Variants in ACCSL observed in about 807,000 individuals in gnomAD.
ACCSL encodes the protein 1-aminocyclopropane-1-carboxylate synthase homolog (inactive) like.
ACCSL carries 55 observed loss-of-function variants against 61.7 expected under a neutral mutation model. That is an observed-to-expected ratio of 0.89 (90% CI 0.72 to 1.12). ACCSL has a LOEUF of 1.12. Among genes scored for constraint, ACCSL ranks in the 50% most tolerant of loss-of-function variants. ACCSL has a pLI of 0.00. For synonymous variants in ACCSL, 258 were observed against 264.3 expected, an observed-to-expected ratio of 0.98 and a Z score of 0.23; for missense variants, 632 against 698.0, an observed-to-expected ratio of 0.91 and a Z score of 1.07.
the ACCSL span, among the ~76,000 whole-genome samples, chr11:44,019,183 CGAT>C: frequency 6.6e-6 from 1 of 152,158 alleles, no homozygotes; most frequent in African/African-American, 2.4e-5. Flanking sequence ...ATCCATCAGT[CGAT>C]GGACTAAGTT....
At chr11:43,933,881 C>A in the ACCSL span, among the ~76,000 whole-genome samples, 1 of 152,150 alleles carries the variant, frequency 6.6e-6, no homozygotes, top group Admixed American at 6.5e-5. Flanking sequence ...TGCCAGGGTG[C>A]CTCCTCCGGT....
chr11:44,052,617 A>G (rs772787198), intron 5 of ACCSL, 45 bp from the exon 6 acceptor site: 1 of 1,561,040 alleles, frequency 6.4e-7, no homozygotes, highest in South Asian at 1.1e-5. Context: ...ACAGGCTCTG[A>G]TTGGGAGACT....
chr11:44,034,905 T>C, the ACCSL span, among the ~76,000 whole-genome samples: 2 of 152,250 alleles, frequency 1.3e-5, no homozygotes, highest in Non-Finnish European at 2.9e-5. Flanking sequence ...ACAGTAGCTC[T>C]AGAGCACCTG....
At chr11:44,048,976 T>A (rs1216908818) in intron 1 of ACCSL, among the ~76,000 whole-genome samples, 1 of 152,140 alleles carries the variant, frequency 6.6e-6, no homozygotes, top group African/African-American at 2.4e-5. Flanking sequence ...GCCATGGCCA[T>A]GACCCTCCAG....
chr11:43,955,799 TCTACACCTTAG>T, the ACCSL span, among the ~76,000 whole-genome samples: 1 of 152,002 alleles, frequency 6.6e-6, no homozygotes, highest in Non-Finnish European at 1.5e-5. Flanking sequence ...ATTTTTTATG[TCTACACCTTAG>T]CACAATTCAA....
chr11:43,923,433 T>A, the ACCSL span, among the ~76,000 whole-genome samples: 3 of 152,202 alleles, frequency 2.0e-5, no homozygotes, highest in Non-Finnish European at 4.4e-5. Flanking sequence ...TCTGTTTATT[T>A]AAAACTTTAC....
intron 9 of ACCSL, 54 bp downstream of exon 9, chr11:44,055,345 C>G: frequency 6.9e-7 from 1 of 1,451,170 alleles, no homozygotes; most frequent in South Asian, 1.2e-5. Context: ...TCTTGTTTTG[C>G]AGGGTGAGTT....
At chr11:43,943,365 G>A in the ACCSL span, 5 of 1,383,346 alleles carry the variant, frequency 3.6e-6, no homozygotes, top group Non-Finnish European at 4.7e-6. The surrounding 1 kb of genome is among the most constrained non-coding windows in gnomAD (Gnocchi z 4.8). Flanking sequence ...TGCTCCCGGG[G>A]GACCCGCAAG....
chr11:44,027,100 T>TGGTCTTC, the ACCSL span, among the ~76,000 whole-genome samples: 1 of 152,104 alleles, frequency 6.6e-6, no homozygotes, highest in Non-Finnish European at 1.5e-5. Context: ...TACTGGTCTT[T>TGGTCTTC]TAATGATTGG....
the ACCSL span, among the ~76,000 whole-genome samples, chr11:44,030,645 G>GT: frequency 3.3e-5 from 5 of 151,614 alleles, no homozygotes; most frequent in Non-Finnish European, 5.9e-5. Flanking sequence ...TTGATGTATT[G>GT]TTTTTTTTAT....
chr11:43,973,450 CTATCTATCTA>C, the ACCSL span, among the ~76,000 whole-genome samples: 1 of 147,498 alleles, frequency 6.8e-6, no homozygotes, highest in South Asian at 2.1e-4. Context: ...ATCTATCTAT[CTATCTATCTA>C]TCTCCTGGAA....
the ACCSL span, among the ~76,000 whole-genome samples, chr11:44,010,540 A>G: frequency 6.6e-6 from 1 of 152,154 alleles, no homozygotes; most frequent in Admixed American, 6.5e-5. Context: ...GCCCAAGTGG[A>G]TAACATGGAA....
the ACCSL span, among the ~76,000 whole-genome samples, chr11:43,927,384 G>T: frequency 6.6e-6 from 1 of 152,224 alleles, no homozygotes. Context: ...ACTTCATTCA[G>T]ACTTCAATTC....
At chr11:44,009,756 C>A in the ACCSL span, among the ~76,000 whole-genome samples, 1 of 151,988 alleles carries the variant, frequency 6.6e-6, no homozygotes, top group Non-Finnish European at 1.5e-5. Flanking sequence ...CAGGGCAGGA[C>A]CCTGTCTCAA....
rs1300632985 is a variant in ACCSL, at chr11:44,051,664, A to C, written c.717A>C (p.Leu239=). ...TGTGTTGTCTTCAGGTGGTGGTTCTAAATGGCTGCTGCTCTGTCTTCTGTG... is the reference window on the plus strand; with the variant it reads ...TGTGTTGTCTTCAGGTGGTGGTTCTCAATGGCTGCTGCTCTGTCTTCTGTG... ...TRLDPENVVV[L]NGCCSVFCAL... Residue 239 remains leucine, a synonymous_variant, in exon 5 of 14, where the codon CTA becomes CTC. Transcript: ENST00000378832. 3.7e-6 allele frequency: 6 copies of C among 1,614,164 alleles called. No individual in the cohort carries two copies. Among genetic ancestry groups the C allele is most frequent in the Middle Eastern group, 1.7e-4 (1 of 6,040 alleles).
the ACCSL span, among the ~76,000 whole-genome samples, chr11:44,038,345 G>A: frequency 6.6e-6 from 1 of 152,272 alleles, no homozygotes; most frequent in East Asian, 1.9e-4. Flanking sequence ...TACCTGTTGT[G>A]TTTTATACAG....
At chr11:44,024,615 T>TATCCTGGAG in the ACCSL span, among the ~76,000 whole-genome samples, 1 of 152,188 alleles carries the variant, frequency 6.6e-6, no homozygotes. Flanking sequence ...GCATATGGTC[T>TATCCTGGAG]ATCCTGGAGA....
upstream of ACCSL, among the ~76,000 whole-genome samples, chr11:44,045,381 A>C (rs1479325663): frequency 6.6e-6 from 1 of 152,128 alleles, no homozygotes; most frequent in Non-Finnish European, 1.5e-5. Context: ...CAGAGGTTGC[A>C]GTGAGCCATG....
upstream of ACCSL, among the ~76,000 whole-genome samples, chr11:44,045,451 AC>A (rs750675481): frequency 2.7e-5 from 4 of 149,800 alleles, no homozygotes; most frequent in East Asian, 2.0e-4. Context: ...AAAACAAACA[AC>A]CCCCCCCACA....
Sources: allele counts gnomAD v4.1 joint callset (sites outside exome capture counted in the v4.1 genomes callset), GRCh38; gene constraint gnomAD v4.1.1; non-coding constraint Gnocchi (gnomAD v3.1); transcripts MANE v1.5; gene names NCBI Gene and HGNC (gene_info 2026-07-23, HGNC 2026-07-21).